CATSPERT: variants seen among roughly 807,000 people sequenced by gnomAD.
CATSPERT encodes the protein catsper channel auxiliary subunit tau.
the CATSPERT span, among the ~76,000 whole-genome samples, chr2:201,507,530 ATG>A: frequency 6.6e-6 from 1 of 152,242 alleles, no homozygotes; most frequent in Non-Finnish European, 1.5e-5. Context: ...AAAAGCAGAT[ATG>A]TGTGTTCCCT....
the CATSPERT span, chr2:201,603,164 A>G: frequency 6.6e-7 from 1 of 1,509,212 alleles, no homozygotes; most frequent in Non-Finnish European, 9.1e-7. Context: ...TAATGCAGCA[A>G]TGGATAACTG....
At chr2:201,580,501 A>C in the CATSPERT span, among the ~76,000 whole-genome samples, 1 of 152,060 alleles carries the variant, frequency 6.6e-6, no homozygotes, top group East Asian at 1.9e-4. Context: ...TTGTTTTAAA[A>C]TTTTCCTTTT....
At chr2:201,599,360 AT>A in the CATSPERT span, among the ~76,000 whole-genome samples, 4 of 150,958 alleles carry the variant, frequency 2.6e-5, no homozygotes, top group East Asian at 3.9e-4. Context: ...TTATTCATTG[AT>A]TTTTTTTTAG....
chr2:201,608,222 G>T, the CATSPERT span, among the ~76,000 whole-genome samples: 1 of 152,034 alleles, frequency 6.6e-6, no homozygotes, highest in Non-Finnish European at 1.5e-5. Flanking sequence ...ATCATAGCTC[G>T]TTGTAGCCTC....
At chr2:201,493,096 T>A in the CATSPERT span, 2 of 1,529,766 alleles carry the variant, frequency 1.3e-6, no homozygotes, top group South Asian at 2.4e-5. Context: ...AGAATGATTA[T>A]ATTTGAAAAA....
At chr2:201,492,086 G>C in the CATSPERT span, 1 of 1,527,534 alleles carries the variant, frequency 6.5e-7, no homozygotes, top group East Asian at 2.5e-5. Flanking sequence ...TTCTGTAAGG[G>C]AAAATATTTC....
the CATSPERT span, chr2:201,487,767 A>G: frequency 5.0e-6 from 8 of 1,614,124 alleles, no homozygotes; most frequent in East Asian, 2.2e-5. Context: ...GGAGCAGTAT[A>G]TGGTCTTGCA....
chr2:201,566,184 C>A, the CATSPERT span, among the ~76,000 whole-genome samples: 2 of 151,928 alleles, frequency 1.3e-5, no homozygotes, highest in African/African-American at 4.8e-5. Flanking sequence ...AGACCCAAAT[C>A]TCTAACTCTT....
chr2:201,542,706 T>G, the CATSPERT span, among the ~76,000 whole-genome samples: 1 of 152,156 alleles, frequency 6.6e-6, no homozygotes, highest in Non-Finnish European at 1.5e-5. Context: ...TATTTATTTA[T>G]TTTTTTGCTA....
chr2:201,578,662 G>A, the CATSPERT span, among the ~76,000 whole-genome samples: 1 of 152,042 alleles, frequency 6.6e-6, no homozygotes, highest in Non-Finnish European at 1.5e-5. Flanking sequence ...AATGATGGGT[G>A]ATTTCTGAAT....
At chr2:201,601,845 G>A in the CATSPERT span, 3 of 1,606,674 alleles carry the variant, frequency 1.9e-6, no homozygotes, top group Admixed American at 5.0e-5. Context: ...TTTGTTTATA[G>A]AGATGCGAAT....
chr2:201,527,632 A>C, the CATSPERT span, among the ~76,000 whole-genome samples: 5 of 152,148 alleles, frequency 3.3e-5, no homozygotes, highest in African/African-American at 1.2e-4. Context: ...GATTTTTGAC[A>C]AAGTCGACAA....
the CATSPERT span, chr2:201,618,962 G>A: frequency 1.2e-6 from 2 of 1,613,970 alleles, no homozygotes; most frequent in Non-Finnish European, 1.7e-6. Flanking sequence ...GTCGTGCCCT[G>A]GTTCAGGGCG....
the CATSPERT span, among the ~76,000 whole-genome samples, chr2:201,614,452 C>A: frequency 6.6e-6 from 1 of 152,104 alleles, no homozygotes; most frequent in African/African-American, 2.4e-5. Flanking sequence ...TCATATCCAG[C>A]CAAACTAAAC....
At chr2:201,598,343 A>G in the CATSPERT span, among the ~76,000 whole-genome samples, 6 of 152,006 alleles carry the variant, frequency 3.9e-5, no homozygotes, top group Non-Finnish European at 7.4e-5. Context: ...GGCCTCAAGC[A>G]TTCCTCCTGC....
At chr2:201,506,199 G>A in the CATSPERT span, among the ~76,000 whole-genome samples, 4 of 152,118 alleles carry the variant, frequency 2.6e-5, no homozygotes, top group Admixed American at 1.3e-4. Context: ...CCCGGGAGGC[G>A]GAGGTTGCAG....
At chr2:201,560,012 C>T in the CATSPERT span, among the ~76,000 whole-genome samples, 20 of 152,044 alleles carry the variant, frequency 1.3e-4, no homozygotes, top group Non-Finnish European at 2.1e-4. Flanking sequence ...TAAGAGAATA[C>T]AGACAGACAA....
the CATSPERT span, chr2:201,491,104 C>T: frequency 1.2e-5 from 16 of 1,321,300 alleles, no homozygotes; most frequent in Non-Finnish European, 1.4e-5. Flanking sequence ...CAGATATATA[C>T]ACCCTAAATT....
chr2:201,490,620 C>A, the CATSPERT span, among the ~76,000 whole-genome samples: 1 of 152,096 alleles, frequency 6.6e-6, no homozygotes, highest in African/African-American at 2.4e-5. Flanking sequence ...GGGAGGGGTG[C>A]CACTGTTTAT....
Sources: gnomAD v4.1 joint callset for allele counts (sites outside exome capture counted in the v4.1 genomes callset) on GRCh38, gnomAD v4.1.1 for gene constraint, MANE v1.5 for transcripts, NCBI Gene and HGNC (gene_info 2026-07-23, HGNC 2026-07-21) for gene names.